The following FAM177A1 variants were observed in gnomAD, a reference collection of about 807,000 sequenced individuals.
FAM177A1 encodes the protein protein FAM177A1.
FAM177A1 carries 22 observed loss-of-function variants against 26.1 expected under a neutral mutation model. That is an observed-to-expected ratio of 0.84 (90% confidence interval 0.60 to 1.20). FAM177A1 has a LOEUF of 1.20. FAM177A1 is among the 50% of genes most tolerant of loss of function. The probability of loss-of-function intolerance (pLI) is 0.00; values close to 1 mark genes in which losing one functional copy is unlikely to be tolerated. For synonymous variants in FAM177A1, 95 were observed against 99.3 expected (o/e 0.96, Z 0.26); for missense variants, 296 against 291.1 (o/e 1.02, Z -0.12).
chr14:35,048,681 T>A (rs1004295235), intron 1 of FAM177A1, among the ~76,000 whole-genome samples: 10 of 151,958 alleles, frequency 6.6e-5, no homozygotes, highest in Non-Finnish European at 1.2e-4. Context: ...GAAACATCTT[T>A]GGGAACTCCA....
At chr14:35,071,170 G>C (rs1384776761) in intron 2 of FAM177A1, among the ~76,000 whole-genome samples, 1 of 151,522 alleles carries the variant, frequency 6.6e-6, no homozygotes. Context: ...CTGATTTTTT[G>C]TATTTTTTTT....
intron 2 of FAM177A1, among the ~76,000 whole-genome samples, chr14:35,055,254 G>A (rs1385613643): frequency 6.9e-6 from 1 of 143,920 alleles, no homozygotes; most frequent in Non-Finnish European, 1.5e-5. Context: ...AGTGAGCCGA[G>A]ATCGTGCCAT....
chr14:35,063,190 A>G (rs1433062964), intron 2 of FAM177A1, among the ~76,000 whole-genome samples: 1 of 150,484 alleles, frequency 6.6e-6, no homozygotes, highest in Non-Finnish European at 1.5e-5. Flanking sequence ...ATCTAGTTCT[A>G]TATTCAGATT....
At chr14:35,078,371 A>C (rs1212334731) in intron 3 of FAM177A1, among the ~76,000 whole-genome samples, 1 of 152,092 alleles carries the variant, frequency 6.6e-6, no homozygotes, top group Non-Finnish European at 1.5e-5. Flanking sequence ...TTCTTTTTTG[A>C]GACAGAGTCT....
chr14:35,060,206 C>T (rs1204268594), intron 2 of FAM177A1, among the ~76,000 whole-genome samples: 47 of 151,360 alleles, frequency 3.1e-4, no homozygotes, highest in Non-Finnish European at 1.5e-5. Context: ...AACTCCTGAC[C>T]TCATTTGATC....
intron 2 of FAM177A1, among the ~76,000 whole-genome samples, chr14:35,072,655 A>T (rs1442154917): frequency 5.3e-5 from 8 of 152,168 alleles, no homozygotes; most frequent in African/African-American, 1.9e-4. Context: ...GTCTTGAAAA[A>T]TCGGAGCCCT....
intron 2 of FAM177A1, among the ~76,000 whole-genome samples, chr14:35,068,063 C>G (rs1390929012): frequency 6.6e-6 from 1 of 152,102 alleles, no homozygotes; most frequent in Non-Finnish European, 1.5e-5. Context: ...GTTTTGTTGC[C>G]TGAGCTTTTG....
chr14:35,046,587 G>A lies in FAM177A1; in HGVS notation c.124G>A (p.Gly42Arg), dbSNP rs764244120. The A allele has an allele frequency of 8.4e-5, 131 of 1,559,770 alleles. No individual in the cohort carries two copies. Among genetic ancestry groups the A allele is most frequent in the Non-Finnish European group, 1.1e-4 (125 of 1,154,624 alleles). The change falls in exon 1 of 5, where the codon GGA (glycine) becomes AGA (arginine). Residue 42 changes from glycine (G) to arginine (R), a missense_variant. By Grantham distance (125) the Gly-to-Arg change is moderately radical. Coordinates refer to ENST00000280987, the MANE Select transcript of FAM177A1 (RefSeq NM_173607.5). ...ACGAGGAGAAGCCGTCGCAGCCTCG[G>A]GAGCTGCGGCCGCCGCGGCATTCGG... ...VERGEAVAASGAAAAAAFGES... is the reference protein window; with the variant it reads ...VERGEAVAASRAAAAAAFGES...
At chr14:35,066,064 T>C (rs1304039984) in intron 2 of FAM177A1, among the ~76,000 whole-genome samples, 1 of 152,062 alleles carries the variant, frequency 6.6e-6, no homozygotes, top group Non-Finnish European at 1.5e-5. Context: ...CTAATCCTTT[T>C]TTTTAAATTT....
chr14:35,058,846 A>C lies in FAM177A1; in HGVS notation c.339+5395A>C, dbSNP rs369984146. On this transcript the variant is annotated intron_variant, in intron 2 of 4. Transcript: ENST00000280987. ...AACTGGGATCTCACCACTACATTCC[A>C]GTCTAGGTGACAGAGTAAGACCTTG... Among the ~76,000 whole-genome samples, 20 of 152,270 alleles carry C rather than the reference A, an allele frequency of 1.3e-4. 1 individual carries two copies. The East Asian group carries it at 3.5e-3, about 26-fold the overall frequency.
intron 2 of FAM177A1, among the ~76,000 whole-genome samples, chr14:35,058,975 G>GC (rs2045106096): frequency 6.6e-6 from 1 of 151,852 alleles, no homozygotes; most frequent in African/African-American, 2.4e-5. Flanking sequence ...TCACTCTGTC[G>GC]CCCAGGCTGG....
rs558910196 is a variant in FAM177A1, at chr14:35,072,339, A to G, written c.340-4811A>G. On this transcript the variant is annotated intron_variant, in intron 2 of 4. Coordinates refer to ENST00000280987, the MANE Select transcript of FAM177A1 (RefSeq NM_173607.5). ...ATAAGGAAGAGAAAATATATTTACT[A>G]TTCATTAAGTGGGAAGTGGATCATC... is the stretch of plus-strand genomic sequence containing the variant. 2.0e-5 allele frequency among the ~76,000 whole-genome samples: 3 copies of G among 152,250 alleles called. No individual in the cohort carries two copies. In the East Asian group the frequency reaches 5.8e-4, roughly 29 times the overall value.
intron 1 of FAM177A1, among the ~76,000 whole-genome samples, chr14:35,048,891 C>CT (rs71435848): frequency 0.074 from 10,296 of 138,966 alleles, 485 homozygotes; most frequent in Non-Finnish European, 0.11. Flanking sequence ...TTGTGACATT[C>CT]TTTTTTTTTT....
intron 2 of FAM177A1, among the ~76,000 whole-genome samples, chr14:35,066,963 A>T (rs2045249874): frequency 6.6e-6 from 1 of 151,762 alleles, no homozygotes; most frequent in Middle Eastern, 3.4e-3. Flanking sequence ...CTGGCTAATT[A>T]TGTATTTTTA....
intron 1 of FAM177A1, chr14:35,050,783 G>A (rs2044954394): frequency 6.6e-6 from 1 of 152,078 alleles, no homozygotes; most frequent in Non-Finnish European, 1.5e-5. Flanking sequence ...CCTTTGCATA[G>A]GAAATTAAGG....
intron 2 of FAM177A1, among the ~76,000 whole-genome samples, chr14:35,057,859 C>G (rs539047805): frequency 9.5e-4 from 144 of 151,822 alleles, no homozygotes; most frequent in African/African-American, 3.3e-3. Flanking sequence ...ATTATTTGAC[C>G]CTTTAAATGT....
At position 35,083,244 on chromosome 14, in the gene FAM177A1, T is replaced by G. The variant is rs190443771; in HGVS notation, c.*2016T>G. 1 of 152,786 alleles carries G rather than the reference T, an allele frequency of 6.5e-6. No individual in the cohort carries two copies. The highest frequency in any genetic ancestry group is 2.4e-5 in the African/African-American group (1 of 41,584). 9.5% of individuals were successfully genotyped at this position (152,786 alleles called of 1,614,324 possible). On this transcript the variant is annotated 3_prime_UTR_variant, in exon 5 of 5. Coordinates refer to ENST00000280987, the MANE Select transcript of FAM177A1 (RefSeq NM_173607.5). ...TGTAACAAAAGGAAGTAGTGACTTA[T>G]GAAGGTTTTGTTTCTTGAATTTTAC... is the stretch of plus-strand genomic sequence containing the variant.
At chr14:35,076,766 T>C (rs2045402923) in intron 2 of FAM177A1, among the ~76,000 whole-genome samples, 1 of 152,172 alleles carries the variant, frequency 6.6e-6, no homozygotes, top group African/African-American at 2.4e-5. Flanking sequence ...TCCTTAAGTT[T>C]CTTTCTATTG....
intron 4 of FAM177A1, 55 bp from the exon 5 acceptor site, chr14:35,080,967 A>G (rs1487640909): frequency 9.3e-6 from 14 of 1,505,920 alleles, no homozygotes; most frequent in Non-Finnish European, 1.2e-5. Context: ...ACAGCACTAT[A>G]TACCTTTTGG....
Sources: gnomAD v4.1 joint callset for allele counts (sites outside exome capture counted in the v4.1 genomes callset) on GRCh38, gnomAD v4.1.1 for gene constraint, MANE v1.5 for transcripts, NCBI Gene and HGNC (gene_info 2026-07-23, HGNC 2026-07-21) for gene names.